TEAD4: variants seen among roughly 807,000 people sequenced by gnomAD.
TEAD4 encodes TEA domain transcription factor 4.
In TEAD4, 36 loss-of-function variants were observed where a neutral mutation model predicts 52.4. The observed-to-expected ratio is 0.69, with a 90% CI of 0.53 to 0.91. The LOEUF (loss-of-function observed/expected upper bound fraction) is 0.91, where lower values mean the gene tolerates loss of function less well. TEAD4 is among the 40% of genes least tolerant of loss of function. The pLI is 0.00. For synonymous variants in TEAD4, 220 were observed against 231.0 expected (o/e 0.95, Z 0.43); for missense variants, 508 against 583.9 (o/e 0.87, Z 1.34).
intron 5 of TEAD4, among the ~76,000 whole-genome samples, chr12:3,013,657 C>G (rs1431518577): frequency 1.3e-5 from 2 of 152,128 alleles, no homozygotes; most frequent in Non-Finnish European, 2.9e-5. Flanking sequence ...TCACTTGAAC[C>G]TGGGAAGTGG....
chr12:3,031,824 T>A (rs2098275768), intron 10 of TEAD4, among the ~76,000 whole-genome samples: 1 of 152,094 alleles, frequency 6.6e-6, no homozygotes, highest in Admixed American at 6.5e-5. Context: ...AGACCACGGG[T>A]CCATACCTGA....
rs373361359 is a variant in TEAD4, at chr12:3,019,288, C to T, written c.583+118C>T. 1.4e-4 allele frequency: 153 copies of T among 1,124,472 alleles called. 1 individual carries two copies. The African/African-American group carries it at 2.1e-3, about 15-fold the overall frequency. The allele number at this position is 1,124,472 out of a possible 1,614,324, so 69.7% of individuals were successfully genotyped here. A position where few individuals can be genotyped will look rare whatever the true frequency, so the allele number is the denominator to read the frequency against. On this transcript the variant is annotated intron_variant, in intron 8 of 12. Transcript: ENST00000359864. ...CTGTTAGATGCTGCCCCGTCATGCA[C>T]ACTGACCACACGTCCTAGTCCCTGG...
chr12:3,040,043 T>C, intron 11 of TEAD4, 64 bp from the exon 12 acceptor site: 3 of 1,589,502 alleles, frequency 1.9e-6, no homozygotes, highest in Non-Finnish European at 1.7e-6. Context: ...TCCCGTGGAG[T>C]TGGGTCTGGG....
At chr12:2,985,947 C>T (rs1205555146) in intron 2 of TEAD4, among the ~76,000 whole-genome samples, 2 of 151,852 alleles carry the variant, frequency 1.3e-5, no homozygotes, top group Non-Finnish European at 2.9e-5. Flanking sequence ...ATTAGCCAGG[C>T]ATGGCGGCGG....
At chr12:3,003,031 C>A (rs1339505803) in intron 3 of TEAD4, among the ~76,000 whole-genome samples, 2 of 152,322 alleles carry the variant, frequency 1.3e-5, no homozygotes, top group East Asian at 3.9e-4. Context: ...AGCTGCACCC[C>A]CAACACACAC....
rs1277928053 is a variant in TEAD4, at chr12:3,038,072, C to G, written c.1002C>G (p.Val334=). 4 of 1,613,640 alleles carry G rather than the reference C, an allele frequency of 2.5e-6. No individual in the cohort carries two copies. Among genetic ancestry groups the G allele is most frequent in the Non-Finnish European group, 3.4e-6 (4 of 1,179,712 alleles). ...TGATCATCACCTGCTCCACGAAGGT[C>G]TGCTCTTTCGGCAAGCAGGTGGTGG... Residue 334 remains valine (V), a synonymous_variant, in exon 11 of 13, where the codon GTC becomes GTG. Transcript: ENST00000359864.
intron 3 of TEAD4, among the ~76,000 whole-genome samples, chr12:2,999,180 C>T (rs1206688362): frequency 1.3e-5 from 2 of 152,174 alleles, no homozygotes; most frequent in African/African-American, 4.8e-5. Flanking sequence ...GGCTGCTCCC[C>T]TCCTGTCTTC....
intron 10 of TEAD4, among the ~76,000 whole-genome samples, chr12:3,030,487 A>G (rs149842021): frequency 7.5e-4 from 114 of 152,196 alleles, no homozygotes; most frequent in African/African-American, 2.4e-3. Context: ...ACCCCTGAAG[A>G]TATTGGTAGG....
chr12:3,009,098 A>C (rs960565248), intron 3 of TEAD4, among the ~76,000 whole-genome samples: 1 of 152,224 alleles, frequency 6.6e-6, no homozygotes, highest in Non-Finnish European at 1.5e-5. Context: ...ATTTGGAAGA[A>C]TCTGCGGGAA....
intron 5 of TEAD4, among the ~76,000 whole-genome samples, 171 bp downstream of exon 5, chr12:3,012,403 A>C (rs2098261046): frequency 6.6e-6 from 1 of 152,158 alleles, no homozygotes; most frequent in Non-Finnish European, 1.5e-5. Flanking sequence ...CAAGAGGGCC[A>C]AGTGTGTGGA....
intron 9 of TEAD4, 142 bp downstream of exon 9, chr12:3,020,915 C>T: frequency 1.1e-6 from 1 of 903,452 alleles, no homozygotes; most frequent in Non-Finnish European, 1.5e-6. Context: ...GCCCTTCCCC[C>T]CACTCCTCCT....
At chr12:2,963,161 T>C (rs1020112185) in intron 2 of TEAD4, among the ~76,000 whole-genome samples, 48 of 152,272 alleles carry the variant, frequency 3.2e-4, no homozygotes, top group African/African-American at 1.1e-3. Context: ...AGCCGGCAGG[T>C]GAAGGTTCTC....
intron 6 of TEAD4, among the ~76,000 whole-genome samples, chr12:3,018,074 T>A (rs898942216): frequency 1.3e-5 from 2 of 151,882 alleles, no homozygotes; most frequent in African/African-American, 4.8e-5. Flanking sequence ...ACTAAATGAG[T>A]CTTCAAGGCA....
At chr12:3,010,355 C>T (rs1206418564) in intron 3 of TEAD4, among the ~76,000 whole-genome samples, 4 of 152,234 alleles carry the variant, frequency 2.6e-5, no homozygotes, top group Non-Finnish European at 4.4e-5. Context: ...AGCAGTCCCT[C>T]GGGGGCTGGG....
intron 3 of TEAD4, among the ~76,000 whole-genome samples, chr12:2,996,249 T>C (rs953242888): frequency 6.6e-6 from 1 of 152,014 alleles, no homozygotes; most frequent in Admixed American, 6.6e-5. Flanking sequence ...TTCCATTCAT[T>C]TCTCCCCCAC....
At chr12:3,007,635 AG>A (rs1336892090) in intron 3 of TEAD4, among the ~76,000 whole-genome samples, 1 of 152,262 alleles carries the variant, frequency 6.6e-6, no homozygotes, top group African/African-American at 2.4e-5. Context: ...AAAGTGGCCA[AG>A]TTGATACATT....
intron 2 of TEAD4, among the ~76,000 whole-genome samples, chr12:2,975,366 ATT>A (rs2098228753): frequency 1.5e-4 from 1 of 6,820 alleles, no homozygotes; most frequent in South Asian, 7.4e-3. Context: ...CATTATTATT[ATT>A]ATTATTATTA....
intron 2 of TEAD4, among the ~76,000 whole-genome samples, chr12:2,966,930 C>T (rs1256826090): frequency 1.3e-5 from 2 of 152,100 alleles, no homozygotes; most frequent in Non-Finnish European, 2.9e-5. Flanking sequence ...TGGTCTTGAA[C>T]TCCCGACCTC....
rs116185078 is a variant in TEAD4 at position 2,963,707 on chromosome 12, A to C, written c.-30+3667A>C. Among the ~76,000 whole-genome samples the C allele has an allele frequency of 7.5e-3, 1,140 of 152,228 alleles. 16 individuals carry two copies. Among genetic ancestry groups the C allele is most frequent in the African/African-American group, 0.026 (1,063 of 41,536 alleles). On this transcript the variant is annotated intron_variant, in intron 2 of 12. Coordinates refer to ENST00000359864, the MANE Select transcript of TEAD4 (RefSeq NM_003213.4). ...GGGAGATTCTAATCACACCTGTGTG[A>C]TCTGGCCCTGGGGCCCTTAGCTGGT...
Sources: gnomAD v4.1 joint callset for allele counts (sites outside exome capture counted in the v4.1 genomes callset) on GRCh38, gnomAD v4.1.1 for gene constraint, MANE v1.5 for transcripts, NCBI Gene and HGNC (gene_info 2026-07-23, HGNC 2026-07-21) for gene names.